Variants in SEMA3A observed in about 807,000 individuals in gnomAD.
The protein encoded by SEMA3A is semaphorin 3A.
SEMA3A carries 29 observed loss-of-function variants against 97.9 expected under a neutral mutation model. The ratio of observed to expected loss-of-function variants is 0.30; its 90% CI spans 0.22 to 0.40. SEMA3A has a LOEUF of 0.40. Ranked by LOEUF, SEMA3A falls within the 10% of genes least tolerant of loss-of-function variation. The probability of loss-of-function intolerance (pLI) is 1.00; values close to 1 mark genes in which losing one functional copy is unlikely to be tolerated. For synonymous variants in SEMA3A, 321 were observed against 323.7 expected, an observed-to-expected ratio of 0.99 and a Z score of 0.09; for missense variants, 763 against 951.3, an observed-to-expected ratio of 0.80 and a Z score of 2.60.
intron 3 of SEMA3A, among the ~76,000 whole-genome samples, chr7:84,280,258 C>T (rs1800408848): frequency 6.6e-6 from 1 of 152,120 alleles, no homozygotes; most frequent in Admixed American, 6.6e-5. Context: ...TTAGATGTTA[C>T]TCTTTCTATA....
At chr7:83,993,565 T>C (rs1391503431) in intron 12 of SEMA3A, among the ~76,000 whole-genome samples, 9 of 150,186 alleles carry the variant, frequency 6.0e-5, no homozygotes, top group African/African-American at 2.2e-4. Context: ...TATTTCTCCT[T>C]CGCTTATGAA....
chr7:84,222,666 C>T (rs1360030507), intron 3 of SEMA3A, among the ~76,000 whole-genome samples: 1 of 151,718 alleles, frequency 6.6e-6, no homozygotes, highest in Non-Finnish European at 1.5e-5. Context: ...ATATAAACAA[C>T]AATTATTTTT....
At chr7:84,092,345 C>T (rs1159491672) in intron 4 of SEMA3A, among the ~76,000 whole-genome samples, 1 of 152,038 alleles carries the variant, frequency 6.6e-6, no homozygotes, top group Admixed American at 6.6e-5. Flanking sequence ...TTTGAATGTC[C>T]GTGTGTACAT....
intron 2 of SEMA3A, among the ~76,000 whole-genome samples, chr7:84,130,163 TA>T (rs1264200162): frequency 6.6e-6 from 1 of 151,982 alleles, no homozygotes; most frequent in Non-Finnish European, 1.5e-5. Context: ...AAGTCATATA[TA>T]AAAAAACAGA....
chr7:84,214,946 C>A (rs552739138), intron 3 of SEMA3A, among the ~76,000 whole-genome samples: 142 of 150,728 alleles, frequency 9.4e-4, no homozygotes, highest in Non-Finnish European at 1.6e-3. Context: ...GATGATCCGC[C>A]CCCCCTTGGC....
In SEMA3A at chr7:84,155,517, C is replaced by T. The variant is rs936068128; in HGVS notation, c.113-20566G>A. ...CTTTTCCACTTTAGGAATTTCTGTT[C>T]GTTGGATTATAAATTGTGTCAACTT... On this transcript the variant is annotated intron_variant, in intron 1 of 16. Coordinates refer to ENST00000265362, the MANE Select transcript of SEMA3A (RefSeq NM_006080.3). Among the ~76,000 whole-genome samples the T allele has an allele frequency of 5.3e-5, 8 of 152,198 alleles. No homozygotes were observed. In the South Asian group the frequency reaches 1.5e-3, roughly 28 times the overall value.
At chr7:84,231,188 A>T (rs1230917919) in intron 3 of SEMA3A, among the ~76,000 whole-genome samples, 2 of 151,982 alleles carry the variant, frequency 1.3e-5, no homozygotes, top group African/African-American at 4.8e-5. Flanking sequence ...GAAATGTTTC[A>T]TTTACACATG....
intron 4 of SEMA3A, among the ~76,000 whole-genome samples, chr7:84,083,399 A>T (rs1167606368): frequency 2.0e-5 from 3 of 151,436 alleles, no homozygotes; most frequent in Non-Finnish European, 4.4e-5. Flanking sequence ...AAATCAGGGT[A>T]ATTGGGATAT....
At chr7:84,354,235 G>A (rs1019367790) in intron 2 of SEMA3A, among the ~76,000 whole-genome samples, 5 of 151,534 alleles carry the variant, frequency 3.3e-5, no homozygotes, top group African/African-American at 1.2e-4. Context: ...TTATCTGCTT[G>A]ATCTACACAG....
At chr7:84,172,336 C>T (rs10261069) in intron 1 of SEMA3A, among the ~76,000 whole-genome samples, 129,682 of 152,246 alleles carry the variant, frequency 0.85, 55,384 homozygotes, top group East Asian at 0.99. Context: ...ATTTGAAGCT[C>T]TATTTATGGA....
intron 1 of SEMA3A, among the ~76,000 whole-genome samples, chr7:84,410,759 A>G (rs1804241829): frequency 6.6e-6 from 1 of 152,158 alleles, no homozygotes; most frequent in Admixed American, 6.6e-5. Flanking sequence ...TAACACGGAA[A>G]TGTCAAATTG....
intron 3 of SEMA3A, among the ~76,000 whole-genome samples, chr7:84,255,883 T>C (rs1341477247): frequency 6.7e-6 from 1 of 148,178 alleles, no homozygotes; most frequent in Non-Finnish European, 1.5e-5. Flanking sequence ...TTTATTATGA[T>C]GGCAGATAAA....
At chr7:84,051,465 T>A (rs1042013069) in intron 5 of SEMA3A, among the ~76,000 whole-genome samples, 1 of 152,206 alleles carries the variant, frequency 6.6e-6, no homozygotes, top group African/African-American at 2.4e-5. Flanking sequence ...TTATTCTCTT[T>A]GAAGCAATTG....
At chr7:84,061,509 T>C (rs1437633330) in intron 4 of SEMA3A, among the ~76,000 whole-genome samples, 1 of 152,198 alleles carries the variant, frequency 6.6e-6, no homozygotes, top group Non-Finnish European at 1.5e-5. Flanking sequence ...AGAATATGTA[T>C]GCTTTTTCCA....
chr7:84,383,441 G>A (rs1000924784), intron 1 of SEMA3A, among the ~76,000 whole-genome samples: 1 of 152,080 alleles, frequency 6.6e-6, no homozygotes, highest in Non-Finnish European at 1.5e-5. Flanking sequence ...TAGTTTACTT[G>A]CAACAGGATA....
chr7:84,486,244 T>C (rs1185817382), intron 1 of SEMA3A, among the ~76,000 whole-genome samples: 2 of 151,828 alleles, frequency 1.3e-5, no homozygotes, highest in Non-Finnish European at 2.9e-5. Context: ...AAAAATGAGC[T>C]GGGCGTGGTG....
chr7:84,278,071 T>C (rs550538074), intron 3 of SEMA3A, among the ~76,000 whole-genome samples: 1 of 152,274 alleles, frequency 6.6e-6, no homozygotes, highest in South Asian at 2.1e-4. Context: ...TATTGGTTGT[T>C]AGGAGCAGCC....
intron 3 of SEMA3A, among the ~76,000 whole-genome samples, chr7:84,211,315 T>C (rs1167654842): frequency 1.3e-5 from 2 of 151,938 alleles, no homozygotes; most frequent in East Asian, 3.9e-4. Flanking sequence ...AAGTGGGATT[T>C]TAAAACATTT....
At chr7:84,478,680 A>T (rs1017235929) in intron 1 of SEMA3A, among the ~76,000 whole-genome samples, 4 of 150,778 alleles carry the variant, frequency 2.7e-5, no homozygotes, top group Admixed American at 1.3e-4. Flanking sequence ...CAAGAATATT[A>T]AAAAAAAACA....
Sources: gnomAD v4.1 joint callset for allele counts (sites outside exome capture counted in the v4.1 genomes callset) on GRCh38, gnomAD v4.1.1 for gene constraint, MANE v1.5 for transcripts, NCBI Gene and HGNC (gene_info 2026-07-23, HGNC 2026-07-21) for gene names.